Variants in KDM4C observed in about 807,000 individuals in gnomAD.
KDM4C encodes lysine-specific demethylase 4C.
Under a neutral mutation model 129.3 loss-of-function variants are expected in KDM4C, and 81 were observed. That is an observed-to-expected ratio of 0.63 (90% CI 0.52 to 0.75). The LOEUF is 0.75. Among genes scored for constraint, KDM4C ranks in the 30% least tolerant of loss-of-function variants. The pLI is 0.00. For missense variants in KDM4C, 1,457 were observed against 1,304.0 expected (o/e 1.12, Z -1.81); for synonymous variants, 573 against 456.1 (o/e 1.26, Z -3.26).
chr9:6,894,286 G>C (rs989215589), intron 8 of KDM4C, among the ~76,000 whole-genome samples: 1 of 152,218 alleles, frequency 6.6e-6, no homozygotes, highest in Admixed American at 6.5e-5. Context: ...ATAAAGGAAA[G>C]CCCCTGGTAT....
intron 1 of KDM4C, among the ~76,000 whole-genome samples, chr9:6,779,652 G>C (rs1823891352): frequency 6.6e-6 from 1 of 152,196 alleles, no homozygotes; most frequent in Non-Finnish European, 1.5e-5. Flanking sequence ...TGAGCTGAGA[G>C]TCTGCTCTTG....
chr9:7,161,941 C>A (rs1843842997), intron 19 of KDM4C, among the ~76,000 whole-genome samples: 1 of 152,174 alleles, frequency 6.6e-6, no homozygotes, highest in Admixed American at 6.5e-5. Context: ...GACACTATTT[C>A]TTTATGGATG....
intron 19 of KDM4C, among the ~76,000 whole-genome samples, chr9:7,147,904 A>G (rs1341513892): frequency 6.6e-6 from 1 of 152,156 alleles, no homozygotes; most frequent in Non-Finnish European, 1.5e-5. Context: ...AGTTTTGCTC[A>G]TGCCCGCTAG....
At chr9:7,088,463 G>C (rs373985467) in intron 17 of KDM4C, among the ~76,000 whole-genome samples, 5 of 152,092 alleles carry the variant, frequency 3.3e-5, no homozygotes, top group African/African-American at 1.2e-4. Flanking sequence ...CAAAAACATT[G>C]ATTTCAAAAC....
intron 8 of KDM4C, among the ~76,000 whole-genome samples, chr9:6,977,843 G>C (rs2821446): frequency 0.16 from 23,929 of 151,962 alleles, 2,026 homozygotes; most frequent in Admixed American, 0.21. Context: ...TGCTCCTCCT[G>C]TTTGATTCTT....
chr9:6,964,823 A>C (rs1830653681), intron 8 of KDM4C, among the ~76,000 whole-genome samples: 1 of 143,488 alleles, frequency 7.0e-6, no homozygotes, highest in Non-Finnish European at 1.5e-5. Flanking sequence ...GCGCAGTAGC[A>C]CATGCCTGTA....
intron 7 of KDM4C, among the ~76,000 whole-genome samples, chr9:6,889,328 T>A (rs1247701751): frequency 6.6e-6 from 1 of 151,150 alleles, no homozygotes; most frequent in African/African-American, 2.4e-5. Context: ...GGTGATTCCC[T>A]GCTCCCTCAT....
In KDM4C at chr9:6,807,628, A is replaced by C. The variant is rs1355798711; in HGVS notation, c.320+1854A>C. Among the ~76,000 whole-genome samples, 4 of 146,414 alleles carry C rather than the reference A, an allele frequency of 2.7e-5. No individual in the cohort carries two copies. In the East Asian group the frequency reaches 6.0e-4, roughly 22 times the overall value. The stretch of plus-strand genomic sequence containing the variant: ...GCCCAGCCGCCCCGTCTGAGAAGTG[A>C]GGATACCCTCTGCCTGGCAACCACC... On this transcript the variant is annotated intron_variant, in intron 3 of 21. Coordinates refer to ENST00000381309, the MANE Select transcript of KDM4C (RefSeq NM_015061.6).
intron 12 of KDM4C, among the ~76,000 whole-genome samples, chr9:6,999,019 C>G (rs1563959264): frequency 6.6e-6 from 1 of 152,104 alleles, no homozygotes; most frequent in Non-Finnish European, 1.5e-5. Context: ...CCTGCTGGTA[C>G]TTTTACTACA....
At chr9:6,810,341 A>T (rs1202450424) in intron 3 of KDM4C, among the ~76,000 whole-genome samples, 1 of 152,116 alleles carries the variant, frequency 6.6e-6, no homozygotes, top group Non-Finnish European at 1.5e-5. Flanking sequence ...AGTATCTGGG[A>T]TATGGTAGGT....
intron 5 of KDM4C, among the ~76,000 whole-genome samples, chr9:6,850,325 T>C (rs1329103379): frequency 6.6e-6 from 1 of 152,264 alleles, no homozygotes; most frequent in Non-Finnish European, 1.5e-5. Flanking sequence ...TGGGCATCTT[T>C]ACTTTGAGCA....
intron 15 of KDM4C, among the ~76,000 whole-genome samples, chr9:7,043,990 A>T (rs183341697): frequency 4.6e-5 from 7 of 151,744 alleles, no homozygotes; most frequent in Admixed American, 2.6e-4. Context: ...TATACTCTCT[A>T]TTGGATATCA....
At chr9:6,933,679 A>G (rs997986304) in intron 8 of KDM4C, among the ~76,000 whole-genome samples, 9 of 152,354 alleles carry the variant, frequency 5.9e-5, no homozygotes, top group Admixed American at 5.2e-4. Flanking sequence ...GTTCTAATAC[A>G]CATGTAAGAC....
chr9:6,791,104 T>C (rs957039871), intron 1 of KDM4C, among the ~76,000 whole-genome samples: 6 of 152,140 alleles, frequency 3.9e-5, no homozygotes, highest in African/African-American at 1.4e-4. Context: ...AAATGATTGC[T>C]CATTAACCCA....
At chr9:7,126,650 C>G (rs1840053175) in intron 18 of KDM4C, among the ~76,000 whole-genome samples, 2 of 152,170 alleles carry the variant, frequency 1.3e-5, no homozygotes, top group African/African-American at 4.8e-5. Flanking sequence ...ATGTTAAATG[C>G]ATGTATTTCA....
chr9:7,027,469 G>A (rs1258748478), intron 15 of KDM4C, among the ~76,000 whole-genome samples: 2 of 152,210 alleles, frequency 1.3e-5, no homozygotes, highest in Admixed American at 6.5e-5. Flanking sequence ...GCCATGTGGA[G>A]CTGTAGGTAG....
intron 8 of KDM4C, among the ~76,000 whole-genome samples, chr9:6,898,703 C>G (rs1389007266): frequency 6.6e-6 from 1 of 152,128 alleles, no homozygotes; most frequent in African/African-American, 2.4e-5. Flanking sequence ...AATTGTCTAG[C>G]ATGTAAGTGC....
chr9:6,834,646 C>A (rs1407614077), intron 4 of KDM4C: 1 of 783,910 alleles, frequency 1.3e-6, no homozygotes, highest in East Asian at 2.5e-5. Flanking sequence ...AGAGAGGCAT[C>A]CTGACCCTGA....
At chr9:6,859,490 A>G (rs1840531004) in intron 5 of KDM4C, among the ~76,000 whole-genome samples, 2 of 150,264 alleles carry the variant, frequency 1.3e-5, no homozygotes, top group East Asian at 1.9e-4. Flanking sequence ...AAAAAAAAAA[A>G]AAAAAAAGAA....
Sources: allele counts gnomAD v4.1 joint callset (sites outside exome capture counted in the v4.1 genomes callset), GRCh38; gene constraint gnomAD v4.1.1; transcripts MANE v1.5; gene names NCBI Gene and HGNC (gene_info 2026-07-23, HGNC 2026-07-21).